SLC9A9: variants seen among roughly 807,000 people sequenced by gnomAD.
The protein encoded by SLC9A9 is sodium/hydrogen exchanger 9.
SLC9A9 carries 62 observed loss-of-function variants against 77.8 expected under a neutral mutation model. That is an observed-to-expected ratio of 0.80 (90% CI 0.65 to 0.98). SLC9A9 has a LOEUF of 0.98. Among genes scored for constraint, SLC9A9 ranks in the 50% least tolerant of loss-of-function variants. The probability of loss-of-function intolerance (pLI) is 0.00; values close to 1 mark genes in which losing one functional copy is unlikely to be tolerated. For synonymous variants in SLC9A9, 320 were observed against 283.5 expected, an observed-to-expected ratio of 1.13 and a Z score of -1.29; for missense variants, 775 against 774.9, an observed-to-expected ratio of 1.00 and a Z score of 0.00.
intron 2 of SLC9A9, among the ~76,000 whole-genome samples, chr3:143,802,711 A>C (rs775690914): frequency 1.4e-4 from 22 of 152,100 alleles, no homozygotes; most frequent in Non-Finnish European, 2.2e-4. Context: ...TACCATCCTC[A>C]ATCTTCAAGA....
chr3:143,339,248 G>C (rs2032019116), intron 14 of SLC9A9, among the ~76,000 whole-genome samples: 1 of 152,148 alleles, frequency 6.6e-6, no homozygotes, highest in Non-Finnish European at 1.5e-5. Context: ...GCTTCCTCCT[G>C]GTGTGGAGGT....
rs1279476662 is a variant in SLC9A9, at chr3:143,610,716, A to G, written c.756-31993T>C. Among the ~76,000 whole-genome samples, 7 of 152,326 alleles carry G rather than the reference A, an allele frequency of 4.6e-5. No homozygotes were observed. The East Asian group carries it at 1.2e-3, about 25-fold the overall frequency. ...GAGAACCCCAGACCCCTTTCCACACAGGGCTCCCAGAATGTTGGCATTCAA... is the reference window on the plus strand; with the variant it reads ...GAGAACCCCAGACCCCTTTCCACACGGGGCTCCCAGAATGTTGGCATTCAA... On this transcript the variant is annotated intron_variant, in intron 6 of 15. Coordinates refer to ENST00000316549, the MANE Select transcript of SLC9A9 (RefSeq NM_173653.4).
intron 5 of SLC9A9, among the ~76,000 whole-genome samples, chr3:143,683,870 A>G (rs970258049): frequency 6.6e-6 from 1 of 152,138 alleles, no homozygotes; most frequent in African/African-American, 2.4e-5. Context: ...AGGTAGGAAG[A>G]ATCATGGAAA....
At chr3:143,742,466 T>A (rs532455902) in intron 4 of SLC9A9, among the ~76,000 whole-genome samples, 10 of 152,314 alleles carry the variant, frequency 6.6e-5, no homozygotes, top group African/African-American at 2.2e-4. Context: ...GGTTACACCA[T>A]AACCCCAGTC....
chr3:143,518,009 G>A, intron 9 of SLC9A9: 1 of 1,415,032 alleles, frequency 7.1e-7, no homozygotes, highest in East Asian at 2.3e-5. Context: ...TTCACTTGAC[G>A]GTTCTTCTGC....
At chr3:143,612,499 G>A (rs1040884082) in intron 6 of SLC9A9, among the ~76,000 whole-genome samples, 1 of 152,318 alleles carries the variant, frequency 6.6e-6, no homozygotes, top group Admixed American at 6.5e-5. Flanking sequence ...TCCAAGAGGC[G>A]TCTGGGTATT....
intron 14 of SLC9A9, among the ~76,000 whole-genome samples, chr3:143,325,769 T>G (rs1260855872): frequency 2.0e-4 from 31 of 152,204 alleles, no homozygotes; most frequent in Admixed American, 2.0e-3. Flanking sequence ...GGACTATCTA[T>G]TGGTGCCTTG....
At chr3:143,463,526 AC>A (rs1454939815) in intron 12 of SLC9A9, among the ~76,000 whole-genome samples, 6 of 152,180 alleles carry the variant, frequency 3.9e-5, no homozygotes, top group African/African-American at 1.4e-4. Flanking sequence ...TTCCTGGGTA[AC>A]AGCAGAGCTA....
intron 4 of SLC9A9, among the ~76,000 whole-genome samples, chr3:143,722,801 C>T (rs910451420): frequency 4.6e-5 from 7 of 152,144 alleles, no homozygotes; most frequent in African/African-American, 1.7e-4. Flanking sequence ...TATTTATTTA[C>T]CTGTTCTTTC....
chr3:143,768,206 G>A (rs557675877), intron 4 of SLC9A9, among the ~76,000 whole-genome samples: 35 of 152,234 alleles, frequency 2.3e-4, no homozygotes, highest in Middle Eastern at 3.4e-3. Flanking sequence ...TATTCTCAGC[G>A]AGGGGGAAAA....
intron 14 of SLC9A9, among the ~76,000 whole-genome samples, chr3:143,273,381 GGAATTAATACCCTTATAA>G (rs1298537339): frequency 6.6e-6 from 1 of 152,092 alleles, no homozygotes; most frequent in Non-Finnish European, 1.5e-5. Flanking sequence ...CCCTTATGAT[GGAATTAATACCCTTATAA>G]GAAGAGATGC....
intron 6 of SLC9A9, among the ~76,000 whole-genome samples, chr3:143,605,433 C>A (rs1252618615): frequency 6.6e-6 from 1 of 152,260 alleles, no homozygotes; most frequent in Admixed American, 6.5e-5. Context: ...AAGCCAGCAG[C>A]TATTCCCACA....
At chr3:143,374,618 T>A (rs1399969280) in intron 13 of SLC9A9, among the ~76,000 whole-genome samples, 2 of 151,766 alleles carry the variant, frequency 1.3e-5, no homozygotes, top group African/African-American at 2.4e-5. Context: ...TTATGTTAAA[T>A]TTTTAAATTA....
chr3:143,295,659 C>T (rs1041737317), intron 14 of SLC9A9, among the ~76,000 whole-genome samples: 1 of 152,018 alleles, frequency 6.6e-6, no homozygotes, highest in Non-Finnish European at 1.5e-5. Context: ...GAGCCTTCAA[C>T]CTCTCATATC....
chr3:143,779,141 T>C (rs1429594801), intron 4 of SLC9A9, among the ~76,000 whole-genome samples: 3 of 152,188 alleles, frequency 2.0e-5, no homozygotes, highest in Admixed American at 2.0e-4. Flanking sequence ...ATTCATATAT[T>C]ATACTGTTAT....
At chr3:143,353,354 T>C (rs1193010647) in intron 14 of SLC9A9, among the ~76,000 whole-genome samples, 1 of 152,148 alleles carries the variant, frequency 6.6e-6, no homozygotes, top group Non-Finnish European at 1.5e-5. Context: ...GGGAGGTGAT[T>C]AGGTAATGCG....
intron 1 of SLC9A9, among the ~76,000 whole-genome samples, chr3:143,839,580 A>G (rs570953758): frequency 6.6e-6 from 1 of 152,264 alleles, no homozygotes; most frequent in East Asian, 1.9e-4. Context: ...ACATACATGC[A>G]CATACATAGA....
chr3:143,517,793 C>T, intron 9 of SLC9A9: 15 of 1,599,418 alleles, frequency 9.4e-6, no homozygotes, highest in Non-Finnish European at 1.3e-5. Flanking sequence ...AATGGCCAAG[C>T]AAGGATTCAG....
At chr3:143,609,789 T>C (rs1192722841) in intron 6 of SLC9A9, among the ~76,000 whole-genome samples, 1 of 152,250 alleles carries the variant, frequency 6.6e-6, no homozygotes, top group Non-Finnish European at 1.5e-5. Flanking sequence ...CTCACATAGA[T>C]GCATCTACCT....
Sources: gnomAD v4.1 joint callset for allele counts (sites outside exome capture counted in the v4.1 genomes callset) on GRCh38, gnomAD v4.1.1 for gene constraint, MANE v1.5 for transcripts, NCBI Gene and HGNC (gene_info 2026-07-23, HGNC 2026-07-21) for gene names.